SRBD1: variants seen among roughly 807,000 people sequenced by gnomAD.
The protein encoded by SRBD1 is S1 RNA-binding domain-containing protein 1.
Under a neutral mutation model 115.3 loss-of-function variants are expected in SRBD1, and 88 were observed. The ratio of observed to expected loss-of-function variants is 0.76; its 90% CI spans 0.64 to 0.91. The LOEUF (loss-of-function observed/expected upper bound fraction) is 0.91, where lower values mean the gene tolerates loss of function less well. Ranked by LOEUF, SRBD1 falls within the 40% of genes least tolerant of loss-of-function variation. SRBD1 has a pLI of 0.00. For synonymous variants in SRBD1, 509 were observed against 407.7 expected (o/e 1.25, Z -2.99); for missense variants, 1,385 against 1,177.4 (o/e 1.18, Z -2.58).
chr2:45,419,247 G>C lies in SRBD1; in HGVS notation c.2156+541C>G, dbSNP rs188199636. 2.0e-3 allele frequency among the ~76,000 whole-genome samples: 310 copies of C among 152,326 alleles called. 3 individuals are homozygous for C. The highest frequency in any genetic ancestry group is 6.9e-3 in the African/African-American group (286 of 41,582). ...CAGGGAATTTCATGCTGCATTAGCA[G>C]ACTTGTGTAATAAATGCAAAACTGT... is the stretch of plus-strand genomic sequence containing the variant. On this transcript the variant is annotated intron_variant, in intron 17 of 20. Coordinates refer to ENST00000263736, the MANE Select transcript of SRBD1 (RefSeq NM_018079.5).
At chr2:45,526,211 C>T (rs1021718173) in intron 14 of SRBD1, among the ~76,000 whole-genome samples, 3 of 151,876 alleles carry the variant, frequency 2.0e-5, no homozygotes, top group Non-Finnish European at 4.4e-5. Flanking sequence ...CAATGTCAAT[C>T]GACTAATAAA....
chr2:45,463,837 C>G (rs1669399395), intron 16 of SRBD1, among the ~76,000 whole-genome samples: 1 of 151,998 alleles, frequency 6.6e-6, no homozygotes, highest in Admixed American at 6.6e-5. Context: ...CACACATAAC[C>G]AGTACACTAA....
rs56909656 is a variant in SRBD1, at chr2:45,545,283, T to TAAAAAAAAAAAAAAAAA, written c.1874+1432_1874+1448dup. Among the ~76,000 whole-genome samples, 26 of 68,574 alleles carry TAAAAAAAAAAAAAAAAA rather than the reference T, an allele frequency of 3.8e-4. 1 individual carries two copies. The highest frequency in any genetic ancestry group is 1.4e-3 in the African/African-American group (21 of 14,780). The allele number at this position is 68,574 out of a possible 152,430, so 45.0% of individuals were successfully genotyped here. A position where few individuals can be genotyped will look rare whatever the true frequency, so the allele number is the denominator to read the frequency against. ...TGACAGAGCGAGACTCTGTCTCAAT[T>TAAAAAAAAAAAAAAAAA]AAAAAAAAAAAAAAAAAAAAAAAAA... On this transcript the variant is annotated intron_variant, in intron 14 of 20. Coordinates refer to ENST00000263736, the MANE Select transcript of SRBD1 (RefSeq NM_018079.5).
At chr2:45,585,826 T>C (rs1326154128) in intron 4 of SRBD1, 52 bp from the exon 5 acceptor site, 8 of 1,379,372 alleles carry the variant, frequency 5.8e-6, no homozygotes, top group Non-Finnish European at 7.8e-6. Flanking sequence ...TAAACATCTA[T>C]ATCATGTATA....
At chr2:45,604,398 A>AG (rs1179478169) in intron 2 of SRBD1, among the ~76,000 whole-genome samples, 3 of 140,206 alleles carry the variant, frequency 2.1e-5, no homozygotes, top group African/African-American at 8.3e-5. Flanking sequence ...GGGTGGAGGA[A>AG]GGGGAGGGCT....
intron 14 of SRBD1, among the ~76,000 whole-genome samples, chr2:45,517,505 GTGACAAGTTC>G (rs1392697015): frequency 2.0e-5 from 3 of 152,190 alleles, no homozygotes; most frequent in Non-Finnish European, 4.4e-5. Flanking sequence ...AAAGACTAAT[GTGACAAGTTC>G]TGACCAAGTC....
intron 2 of SRBD1, among the ~76,000 whole-genome samples, chr2:45,603,639 C>T (rs2104258782): frequency 6.6e-6 from 1 of 152,288 alleles, no homozygotes; most frequent in East Asian, 1.9e-4. Flanking sequence ...AAGTGATTCT[C>T]ACGTCTCAGT....
chr2:45,408,238 G>C (rs1319957370), intron 19 of SRBD1, among the ~76,000 whole-genome samples: 1 of 152,150 alleles, frequency 6.6e-6, no homozygotes, highest in Non-Finnish European at 1.5e-5. Context: ...TATAGAGTAT[G>C]AACTACCTAT....
intron 16 of SRBD1, among the ~76,000 whole-genome samples, chr2:45,460,240 T>G (rs1437145175): frequency 1.3e-5 from 2 of 152,190 alleles, no homozygotes; most frequent in Non-Finnish European, 2.9e-5. Context: ...TAATGCTAAT[T>G]CTGGTAGCAT....
At chr2:45,445,838 A>T (rs1668807979) in intron 16 of SRBD1, among the ~76,000 whole-genome samples, 1 of 152,216 alleles carries the variant, frequency 6.6e-6, no homozygotes, top group Admixed American at 6.5e-5. Context: ...GTAAAGTTCA[A>T]CAAAAATGGA....
chr2:45,436,674 A>C (rs1172630021), intron 16 of SRBD1, among the ~76,000 whole-genome samples: 2 of 152,116 alleles, frequency 1.3e-5, no homozygotes, highest in Admixed American at 1.3e-4. Flanking sequence ...TCTTGTTAGA[A>C]TTTACTCACT....
chr2:45,477,532 C>T (rs572980247), intron 15 of SRBD1, among the ~76,000 whole-genome samples: 40 of 152,190 alleles, frequency 2.6e-4, no homozygotes, highest in South Asian at 1.2e-3. Context: ...GAACAAGTGA[C>T]GGAATTACCT....
chr2:45,476,997 T>C lies in SRBD1; in HGVS notation c.2045A>G (p.Tyr682Cys). The C allele has an allele frequency of 6.2e-7, 1 of 1,613,532 alleles. No homozygotes were observed. Among genetic ancestry groups the C allele is most frequent in the Non-Finnish European group, 8.5e-7 (1 of 1,179,708 alleles). Residue 682 changes from tyrosine to cysteine, a missense_variant, in exon 16 of 21, where the codon TAT becomes TGT. Tyr to Cys is a radical substitution (Grantham distance 194). Transcript: ENST00000263736. The stretch of plus-strand genomic sequence containing the variant: ...AAATGATCCACATAGCTTTACCTGA[T>C]ACATTCCAACTCCAATGTGCTTTGG... ...IEPKHIGVGM[Y>C]QHDVSQTLLK...
chr2:45,576,431 C>T (rs887972427), intron 7 of SRBD1, among the ~76,000 whole-genome samples: 4 of 141,706 alleles, frequency 2.8e-5, no homozygotes, highest in East Asian at 4.1e-4. Context: ...AAGAGGGAGT[C>T]GGGGGGGGTG....
At chr2:45,543,174 G>C (rs1672001544) in intron 14 of SRBD1, among the ~76,000 whole-genome samples, 1 of 152,180 alleles carries the variant, frequency 6.6e-6, no homozygotes, top group South Asian at 2.1e-4. Context: ...TTCAGTATGT[G>C]ATAACTGAGA....
At chr2:45,610,926 TCAA>T (rs1245164967) in intron 1 of SRBD1, among the ~76,000 whole-genome samples, 4 of 109,350 alleles carry the variant, frequency 3.7e-5, no homozygotes, top group Admixed American at 9.4e-5. Context: ...AGACTCCGTC[TCAA>T]AAAAAAAAAA....
rs1000572215 is a variant in SRBD1, at chr2:45,466,902, A to G, written c.2049+10091T>C. Among the ~76,000 whole-genome samples, 4 of 152,232 alleles carry G rather than the reference A, an allele frequency of 2.6e-5. No homozygotes were observed. The East Asian group carries it at 7.7e-4, about 29-fold the overall frequency. On this transcript the variant is annotated intron_variant, in intron 16 of 20. Coordinates refer to ENST00000263736, the MANE Select transcript of SRBD1 (RefSeq NM_018079.5). Reference sequence around the variant, plus strand: ...GGTCTCTTGTTAATCAAAACAGACCAGCAGCACAGTTATCACCTGAGTGCT... The same window carrying G: ...GGTCTCTTGTTAATCAAAACAGACCGGCAGCACAGTTATCACCTGAGTGCT...
intron 4 of SRBD1, among the ~76,000 whole-genome samples, chr2:45,597,726 C>T (rs1484017975): frequency 1.3e-5 from 2 of 152,104 alleles, no homozygotes; most frequent in Non-Finnish European, 1.5e-5. Context: ...TGAAAGGTCC[C>T]TATGTCCTTG....
chr2:45,418,874 ATT>A (rs1022821510), intron 17 of SRBD1, among the ~76,000 whole-genome samples: 14 of 152,144 alleles, frequency 9.2e-5, no homozygotes, highest in African/African-American at 3.4e-4. Flanking sequence ...TAAAGTAATA[ATT>A]TTGCCTATTT....
Sources: gnomAD v4.1 joint callset for allele counts (sites outside exome capture counted in the v4.1 genomes callset) on GRCh38, gnomAD v4.1.1 for gene constraint, MANE v1.5 for transcripts, NCBI Gene and HGNC (gene_info 2026-07-23, HGNC 2026-07-21) for gene names.